SPATS2: variants seen among roughly 807,000 people sequenced by gnomAD.
SPATS2 encodes spermatogenesis-associated serine-rich protein 2.
SPATS2 carries 38 observed loss-of-function variants against 63.7 expected under a neutral mutation model. The ratio of observed to expected loss-of-function variants is 0.60; its 90% CI spans 0.46 to 0.78. The LOEUF is 0.78. Among genes scored for constraint, SPATS2 ranks in the 30% least tolerant of loss-of-function variants. SPATS2 has a pLI of 0.00. For synonymous variants in SPATS2, 207 were observed against 232.9 expected, an observed-to-expected ratio of 0.89 and a Z score of 1.01; for missense variants, 588 against 666.2, an observed-to-expected ratio of 0.88 and a Z score of 1.29.
In SPATS2 at chr12:49,398,135, CAAAAAAA is replaced by C. The variant is rs71080193; in HGVS notation, c.-244+26864_-244+26870del. Among the ~76,000 whole-genome samples the C allele has an allele frequency of 1.0e-3, 46 of 45,376 alleles. No homozygotes were observed. In the East Asian group the frequency reaches 0.031, roughly 30 times the overall value. 29.8% of individuals were successfully genotyped at this position (45,376 alleles called of 152,430 possible). On this transcript the variant is annotated intron_variant, in intron 2 of 13. Transcript: ENST00000552918. Reference sequence around the variant, plus strand: ...TGGGAGACAGAGGGAGACCCTGTCTCAAAAAAAAAAAAAAAAAAAAAAAAAGAAAAGA... The same window carrying C: ...TGGGAGACAGAGGGAGACCCTGTCTCAAAAAAAAAAAAAAAAAAGAAAAGA...
intron 2 of SPATS2, among the ~76,000 whole-genome samples, chr12:49,436,628 C>G (rs1423722190): frequency 1.5e-5 from 2 of 130,890 alleles, no homozygotes; most frequent in African/African-American, 5.8e-5. Flanking sequence ...ACCTCCCTCC[C>G]GGACGGGGCG....
intron 3 of SPATS2, among the ~76,000 whole-genome samples, chr12:49,483,948 G>A (rs2137831207): frequency 6.6e-6 from 1 of 152,316 alleles, no homozygotes; most frequent in East Asian, 1.9e-4. Context: ...TAAAGCTGAA[G>A]TAATTTATTG....
intron 3 of SPATS2, among the ~76,000 whole-genome samples, chr12:49,482,241 T>C (rs1194889761): frequency 1.3e-5 from 2 of 152,196 alleles, no homozygotes; most frequent in Non-Finnish European, 2.9e-5. Context: ...GTAGACCATC[T>C]CAGTGCCTCC....
At chr12:49,518,004 GCAATACCTC>G (rs1946879271) in intron 10 of SPATS2, among the ~76,000 whole-genome samples, 1 of 152,048 alleles carries the variant, frequency 6.6e-6, no homozygotes, top group Non-Finnish European at 1.5e-5. Context: ...CTCCTCAATA[GCAATACCTC>G]CAAAGTCTCA....
chr12:49,448,712 C>CA (rs780015868), intron 2 of SPATS2, among the ~76,000 whole-genome samples: 1,154 of 57,248 alleles, frequency 0.02, 13 homozygotes, highest in East Asian at 0.048. Context: ...GACCCTGTCT[C>CA]AAAAAAAAAA....
chr12:49,392,632 G>A (rs541192496), intron 2 of SPATS2, among the ~76,000 whole-genome samples: 1 of 151,960 alleles, frequency 6.6e-6, no homozygotes, highest in African/African-American at 2.4e-5. Context: ...AGAATTGTTT[G>A]AACCCGGGAG....
In SPATS2 at chr12:49,374,490, C is replaced by T. The variant is rs530987180; in HGVS notation, c.-244+3200C>T. ...AGGCCAGAAGCCAGCATTTACTCTC[C>T]CATGTTCACATCTACCATGGCAGCC... is the stretch of plus-strand genomic sequence containing the variant. On this transcript the variant is annotated intron_variant, in intron 2 of 13. Transcript: ENST00000552918. Among the ~76,000 whole-genome samples the T allele has an allele frequency of 2.6e-5, 4 of 152,266 alleles. No individual in the cohort carries two copies. In the East Asian group the frequency reaches 7.7e-4, roughly 29 times the overall value.
At chr12:49,443,172 C>T (rs1316421378) in intron 2 of SPATS2, among the ~76,000 whole-genome samples, 3 of 152,228 alleles carry the variant, frequency 2.0e-5, no homozygotes, top group Non-Finnish European at 2.9e-5. Flanking sequence ...AGGTGCTCCA[C>T]CTCTTGGCTA....
At chr12:49,497,841 T>TA (rs1323472012) in intron 8 of SPATS2, among the ~76,000 whole-genome samples, 6 of 147,274 alleles carry the variant, frequency 4.1e-5, no homozygotes, top group East Asian at 2.0e-4. Context: ...GCTCTTTGCT[T>TA]AAAAAAAAAA....
intron 2 of SPATS2, among the ~76,000 whole-genome samples, chr12:49,444,369 C>T (rs1945475243): frequency 6.6e-6 from 1 of 151,930 alleles, no homozygotes. Flanking sequence ...AGTTGCACGT[C>T]ATTGTGCCCA....
chr12:49,444,973 A>G (rs1945486412), intron 2 of SPATS2, among the ~76,000 whole-genome samples: 1 of 152,198 alleles, frequency 6.6e-6, no homozygotes, highest in African/African-American at 2.4e-5. Flanking sequence ...AGTCCTTAGC[A>G]GTATTTTTGG....
At chr12:49,462,389 G>T in intron 3 of SPATS2, 1 of 702,410 alleles carries the variant, frequency 1.4e-6, no homozygotes, top group Non-Finnish European at 2.6e-6. Flanking sequence ...CAGCATCCAG[G>T]CTGTGGGGTG....
intron 3 of SPATS2, among the ~76,000 whole-genome samples, chr12:49,472,721 C>G (rs961174164): frequency 6.7e-6 from 1 of 150,354 alleles, no homozygotes; most frequent in African/African-American, 2.4e-5. Context: ...TAATACTGAT[C>G]TCATACCAGA....
chr12:49,494,718 T>C lies in SPATS2; in HGVS notation c.265-23T>C, dbSNP rs372954763. 3.4e-4 allele frequency: 504 copies of C among 1,487,414 alleles called. 2 individuals are homozygous for C. The African/African-American group carries it at 6.2e-3, about 18-fold the overall frequency. 92.1% of individuals were successfully genotyped at this position (1,487,414 alleles called of 1,614,324 possible). A position where few individuals can be genotyped will look rare whatever the true frequency, so the allele number is the denominator to read the frequency against. On this transcript the variant is annotated intron_variant, in intron 6 of 13. Transcript: ENST00000552918. ...AATCTTTTCTTTCTTTTCTTTTCTT[T>C]TTCAAATTTTTAATAACTTTAGAAC...
chr12:49,414,130 G>A (rs376347734), intron 2 of SPATS2, among the ~76,000 whole-genome samples: 34 of 152,206 alleles, frequency 2.2e-4, no homozygotes, highest in South Asian at 4.2e-4. Flanking sequence ...ATTTTGTATG[G>A]TCTCTGTCCC....
intron 3 of SPATS2, among the ~76,000 whole-genome samples, chr12:49,473,446 A>G (rs1460637085): frequency 6.6e-6 from 1 of 152,108 alleles, no homozygotes; most frequent in East Asian, 1.9e-4. Context: ...AAAATCTCAA[A>G]CACTACTAGT....
At chr12:49,495,340 C>T (rs909293773) in intron 7 of SPATS2, among the ~76,000 whole-genome samples, 1 of 151,968 alleles carries the variant, frequency 6.6e-6, no homozygotes, top group Non-Finnish European at 1.5e-5. Flanking sequence ...ACTACAGGCA[C>T]CCGCCACCAC....
chr12:49,483,151 A>G (rs1350123379), intron 3 of SPATS2, among the ~76,000 whole-genome samples: 1 of 146,138 alleles, frequency 6.8e-6, no homozygotes, highest in Non-Finnish European at 1.5e-5. Context: ...AAAAAAAAAA[A>G]AACAGAGCTA....
chr12:49,402,640 G>A (rs975424755), intron 2 of SPATS2, among the ~76,000 whole-genome samples: 2 of 152,106 alleles, frequency 1.3e-5, no homozygotes, highest in African/African-American at 4.8e-5. Flanking sequence ...GAAATCGCCT[G>A]GAATGATAGC....
Sources: allele counts gnomAD v4.1 joint callset (sites outside exome capture counted in the v4.1 genomes callset), GRCh38; gene constraint gnomAD v4.1.1; transcripts MANE v1.5; gene names NCBI Gene and HGNC (gene_info 2026-07-23, HGNC 2026-07-21).